Variants in ENOX1 observed in about 807,000 individuals in gnomAD.
ENOX1 encodes ecto-NOX disulfide-thiol exchanger 1.
Under a neutral mutation model 82.5 loss-of-function variants are expected in ENOX1, and 42 were observed. The ratio of observed to expected loss-of-function variants is 0.51; its 90% CI spans 0.40 to 0.66. The LOEUF is 0.66. Ranked by LOEUF, ENOX1 falls within the 30% of genes least tolerant of loss-of-function variation. ENOX1 has a pLI of 0.00. For missense variants in ENOX1, 608 were observed against 811.6 expected (o/e 0.75, Z 3.05); for synonymous variants, 271 against 282.2 (o/e 0.96, Z 0.40).
At chr13:43,689,468 A>T (rs1193673995) in intron 1 of ENOX1, among the ~76,000 whole-genome samples, 1 of 152,224 alleles carries the variant, frequency 6.6e-6, no homozygotes, top group Non-Finnish European at 1.5e-5. Context: ...TTAAGCACTG[A>T]GCACATCTCT....
chr13:43,281,222 C>T (rs2045362763), intron 12 of ENOX1, among the ~76,000 whole-genome samples: 2 of 152,136 alleles, frequency 1.3e-5, no homozygotes, highest in South Asian at 4.1e-4. Context: ...GCAGCAGCAG[C>T]AGCAGAAAAC....
intron 10 of ENOX1, among the ~76,000 whole-genome samples, chr13:43,326,123 C>G (rs1398389169): frequency 6.6e-6 from 1 of 151,354 alleles, no homozygotes; most frequent in African/African-American, 2.4e-5. Context: ...CTCCATTTTT[C>G]TTCAAAATAA....
At chr13:43,537,623 A>G (rs2078522256) in intron 2 of ENOX1, among the ~76,000 whole-genome samples, 1 of 152,228 alleles carries the variant, frequency 6.6e-6, no homozygotes, top group Admixed American at 6.5e-5. Flanking sequence ...GAAGTAAGAC[A>G]ACTATATCAA....
At chr13:43,244,698 G>A (rs1208990881) in intron 14 of ENOX1, among the ~76,000 whole-genome samples, 10 of 152,060 alleles carry the variant, frequency 6.6e-5, no homozygotes, top group Non-Finnish European at 1.0e-4. Context: ...AAGGGCTGGC[G>A]GCCTCCATAG....
intron 15 of ENOX1, 44 bp downstream of exon 15, chr13:43,236,592 A>ATAATTATTAGG: frequency 8.3e-7 from 1 of 1,199,978 alleles, no homozygotes; most frequent in Non-Finnish European, 1.2e-6. Context: ...TAATTACCTA[A>ATAATTATTAGG]TAATTATTTA....
At chr13:43,774,528 A>G (rs1001579667) in intron 1 of ENOX1, among the ~76,000 whole-genome samples, 1 of 152,338 alleles carries the variant, frequency 6.6e-6, no homozygotes, top group Admixed American at 6.5e-5. Context: ...TAATTTGTCC[A>G]TGAGGCTGAA....
chr13:43,458,496 C>T (rs2057326953), intron 3 of ENOX1: 1 of 152,112 alleles, frequency 6.6e-6, no homozygotes, highest in Non-Finnish European at 1.5e-5. Flanking sequence ...GGAAGCAACG[C>T]ATCAGTTAGC....
chr13:43,542,514 C>A (rs2078785965), intron 2 of ENOX1, among the ~76,000 whole-genome samples: 1 of 150,912 alleles, frequency 6.6e-6, no homozygotes, highest in Non-Finnish European at 1.5e-5. Context: ...TGGCTCACTG[C>A]AACCTCTGCC....
chr13:43,391,198 C>G (rs1313809978), intron 5 of ENOX1, among the ~76,000 whole-genome samples: 4 of 152,120 alleles, frequency 2.6e-5, no homozygotes, highest in Admixed American at 2.6e-4. Flanking sequence ...TGACTTGGAT[C>G]CCGTAACGTT....
At chr13:43,757,763 C>T (rs939582518) in intron 1 of ENOX1, among the ~76,000 whole-genome samples, 1 of 152,140 alleles carries the variant, frequency 6.6e-6, no homozygotes, top group Non-Finnish European at 1.5e-5. Flanking sequence ...TTTCTTATAA[C>T]ACTAAACACG....
intron 12 of ENOX1, among the ~76,000 whole-genome samples, chr13:43,281,503 G>A (rs1294850642): frequency 3.9e-5 from 6 of 152,136 alleles, no homozygotes; most frequent in Non-Finnish European, 7.4e-5. Context: ...AAAATTAAGA[G>A]AAATTAGAGC....
chr13:43,672,426 A>G (rs1475417294), intron 1 of ENOX1, among the ~76,000 whole-genome samples: 3 of 152,206 alleles, frequency 2.0e-5, no homozygotes, highest in Admixed American at 6.5e-5. Flanking sequence ...ATCACCTAGC[A>G]TAAAAATAAA....
intron 1 of ENOX1, among the ~76,000 whole-genome samples, chr13:43,676,936 T>C (rs1408591177): frequency 6.6e-6 from 1 of 152,114 alleles, no homozygotes; most frequent in Non-Finnish European, 1.5e-5. Context: ...CACAGTAATA[T>C]GCTCTCAGCA....
intron 1 of ENOX1, among the ~76,000 whole-genome samples, chr13:43,724,349 G>A (rs1351705800): frequency 6.6e-6 from 1 of 152,178 alleles, no homozygotes; most frequent in Non-Finnish European, 1.5e-5. Context: ...TGTCTTCTAT[G>A]TGCTCTACCT....
intron 1 of ENOX1, among the ~76,000 whole-genome samples, chr13:43,675,454 G>C (rs2085464167): frequency 6.6e-6 from 1 of 152,146 alleles, no homozygotes; most frequent in Admixed American, 6.5e-5. Context: ...AGTTCAGCTT[G>C]CTTGATCTCT....
intron 2 of ENOX1, among the ~76,000 whole-genome samples, chr13:43,526,780 A>C (rs1004441714): frequency 6.6e-6 from 1 of 152,104 alleles, no homozygotes; most frequent in African/African-American, 2.4e-5. Flanking sequence ...GGCATGATGC[A>C]GTGGTTTGAA....
intron 16 of ENOX1, among the ~76,000 whole-genome samples, chr13:43,221,398 G>A (rs1248755167): frequency 2.6e-5 from 4 of 152,196 alleles, no homozygotes; most frequent in Admixed American, 6.5e-5. Context: ...GCTGACATGG[G>A]AGATTCTATG....
At chr13:43,240,313 G>A (rs944877706) in intron 14 of ENOX1, among the ~76,000 whole-genome samples, 4 of 152,152 alleles carry the variant, frequency 2.6e-5, no homozygotes, top group African/African-American at 9.7e-5. Context: ...GGACCAGCAA[G>A]CAATTCTTAT....
intron 5 of ENOX1, among the ~76,000 whole-genome samples, chr13:43,374,096 C>CTCCCCTCCCT (rs970769428): frequency 6.2e-5 from 9 of 144,890 alleles, no homozygotes; most frequent in Non-Finnish European, 1.1e-4. Flanking sequence ...CTTCCCTTCT[C>CTCCCCTCCCT]TCCCCTCCCT....
Sources: allele counts gnomAD v4.1 joint callset (sites outside exome capture counted in the v4.1 genomes callset), GRCh38; gene constraint gnomAD v4.1.1; transcripts MANE v1.5; gene names NCBI Gene and HGNC (gene_info 2026-07-23, HGNC 2026-07-21).